The following PSME4 variants were observed in gnomAD, a reference collection of about 807,000 sequenced individuals.
PSME4 encodes proteasome activator subunit 4.
Under a neutral mutation model 253.9 loss-of-function variants are expected in PSME4, and 89 were observed. The observed-to-expected ratio is 0.35, with a 90% confidence interval of 0.30 to 0.42. The LOEUF is 0.42. Among genes scored for constraint, PSME4 ranks in the 10% least tolerant of loss-of-function variants. The pLI, the probability that PSME4 is intolerant of heterozygous loss-of-function variation, is 1.00. For missense variants in PSME4, 2,014 were observed against 2,195.2 expected (o/e 0.92, Z 1.65); for synonymous variants, 851 against 759.2 (o/e 1.12, Z -1.99).
intron 16 of PSME4, 83 bp downstream of exon 16, chr2:53,922,966 C>A (rs1053904432): frequency 1.8e-6 from 2 of 1,097,182 alleles, no homozygotes; most frequent in East Asian, 2.6e-5. Context: ...CTAAAGGAAT[C>A]TGTTGTCATT....
intron 20 of PSME4, among the ~76,000 whole-genome samples, chr2:53,911,560 A>G (rs1274384382): frequency 6.6e-6 from 1 of 152,172 alleles, no homozygotes; most frequent in Non-Finnish European, 1.5e-5. Context: ...CAAGAGTAAC[A>G]AGAATAAAGC....
intron 40 of PSME4, 121 bp downstream of exon 40, chr2:53,887,137 GT>G (rs1679677055): frequency 2.3e-6 from 2 of 863,046 alleles, no homozygotes; most frequent in Non-Finnish European, 3.6e-6. Flanking sequence ...CTTAAAAATG[GT>G]TAAAACAGTA....
At chr2:53,928,349 C>T in intron 10 of PSME4, 46 bp from the exon 11 acceptor site, 1 of 1,337,888 alleles carries the variant, frequency 7.5e-7, no homozygotes, top group Non-Finnish European at 1.0e-6. Flanking sequence ...CACAGATATG[C>T]ATAATACCAT....
chr2:53,970,427 C>A (rs1274836316), intron 1 of PSME4, 116 bp downstream of exon 1: 3 of 1,478,822 alleles, frequency 2.0e-6, no homozygotes, highest in Non-Finnish European at 2.7e-6. Flanking sequence ...CGCTCGGGGA[C>A]AGCTCCAGCG....
At chr2:53,958,681 A>G (rs1670344338) in intron 1 of PSME4, among the ~76,000 whole-genome samples, 1 of 152,206 alleles carries the variant, frequency 6.6e-6, no homozygotes, top group Non-Finnish European at 1.5e-5. Context: ...AATAGGTAAC[A>G]AAAATTAGGG....
intron 30 of PSME4, 42 bp from the exon 31 acceptor site, chr2:53,898,041 C>A: frequency 6.4e-7 from 1 of 1,573,334 alleles, no homozygotes; most frequent in Admixed American, 2.0e-5. Context: ...ACACATAAAA[C>A]CACTTGGAAA....
chr2:53,876,508 T>C lies in PSME4; in HGVS notation c.4816-753A>G, dbSNP rs140978930. On this transcript the variant is annotated intron_variant, in intron 41 of 46. Transcript: ENST00000404125. Reference sequence around the variant, plus strand: ...TTTCTTTCATTGATATTTAGCTTTGTCTTTCTGTGATAATCCATTATAAAA... The same window carrying C: ...TTTCTTTCATTGATATTTAGCTTTGCCTTTCTGTGATAATCCATTATAAAA... Among the ~76,000 whole-genome samples, 885 of 152,186 alleles carry C rather than the reference T, an allele frequency of 5.8e-3. 8 individuals are homozygous for C. Among genetic ancestry groups the C allele is most frequent in the South Asian group, 0.026 (124 of 4,820 alleles).
Position 53,969,486 on chromosome 2 carries a change from T to G in PSME4, c.242+1057A>C, listed in dbSNP as rs1670924863. ...ACTCAGTTCAATCAGCAGCTTTGGG[T>G]AAACACTGAATGAGTGAGTTATGTC... is the stretch of plus-strand genomic sequence containing the variant. On this transcript the variant is annotated intron_variant, in intron 1 of 46. Coordinates refer to ENST00000404125, the MANE Select transcript of PSME4 (RefSeq NM_014614.3). Among the ~76,000 whole-genome samples, 4 of 152,256 alleles carry G rather than the reference T, an allele frequency of 2.6e-5. No individual in the cohort carries two copies. The South Asian group carries it at 8.3e-4, about 32-fold the overall frequency.
intron 44 of PSME4, 127 bp downstream of exon 44, chr2:53,869,249 A>C (rs1357517876): frequency 1.5e-5 from 15 of 985,592 alleles, no homozygotes; most frequent in Non-Finnish European, 2.1e-5. Context: ...AAAGTAGGGA[A>C]AACTTTTCCC....
At chr2:53,926,118 CA>C in intron 12 of PSME4, 95 bp from the exon 13 acceptor site, 1 of 924,928 alleles carries the variant, frequency 1.1e-6, no homozygotes. Flanking sequence ...AATGTATCCA[CA>C]CTAAACCATT....
At chr2:53,920,766 A>T (rs1305939500) in intron 18 of PSME4, 123 bp downstream of exon 18, 4 of 818,670 alleles carry the variant, frequency 4.9e-6, no homozygotes, top group Non-Finnish European at 7.8e-6. Context: ...ATATTCCAAT[A>T]ATAGTTTCAA....
At chr2:53,951,129 C>G (rs1171730032) in intron 1 of PSME4, among the ~76,000 whole-genome samples, 1 of 152,172 alleles carries the variant, frequency 6.6e-6, no homozygotes, top group Non-Finnish European at 1.5e-5. Flanking sequence ...GTCACCCAGG[C>G]TGGAGTGCAG....
chr2:53,885,142 G>A (rs1372170676), intron 41 of PSME4, among the ~76,000 whole-genome samples: 1 of 152,116 alleles, frequency 6.6e-6, no homozygotes, highest in African/African-American at 2.4e-5. Context: ...GTCAACCTGT[G>A]ACCTTAGTTC....
chr2:53,961,711 C>T (rs1670503670), intron 1 of PSME4, among the ~76,000 whole-genome samples: 2 of 152,118 alleles, frequency 1.3e-5, no homozygotes, highest in African/African-American at 4.8e-5. Flanking sequence ...TTGAAATGCT[C>T]ATTCCCCATT....
At chr2:53,939,900 A>G (rs1669308137) in intron 4 of PSME4, 56 bp downstream of exon 4, 11 of 1,431,848 alleles carry the variant, frequency 7.7e-6, no homozygotes, top group Non-Finnish European at 9.7e-6. Context: ...CATACTAAAG[A>G]TGTGGAAAAG....
intron 7 of PSME4, 131 bp downstream of exon 7, chr2:53,935,956 C>T: frequency 4.1e-6 from 5 of 1,231,216 alleles, no homozygotes; most frequent in Non-Finnish European, 5.4e-6. Flanking sequence ...TGCAGTACTG[C>T]AATCTTGGCT....
chr2:53,966,369 T>A (rs1223880221), intron 1 of PSME4, among the ~76,000 whole-genome samples: 1 of 152,140 alleles, frequency 6.6e-6, no homozygotes, highest in African/African-American at 2.4e-5. Context: ...CTTGCCAGGA[T>A]AATAATGTTA....
chr2:53,968,460 G>A (rs927860744), intron 1 of PSME4, among the ~76,000 whole-genome samples: 2 of 151,962 alleles, frequency 1.3e-5, no homozygotes, highest in African/African-American at 2.4e-5. Flanking sequence ...TTCGTCACAC[G>A]TTTTGGCATT....
At chr2:53,909,876 C>T (rs1455716652) in intron 21 of PSME4, among the ~76,000 whole-genome samples, 199 bp downstream of exon 21, 3 of 152,036 alleles carry the variant, frequency 2.0e-5, no homozygotes, top group East Asian at 3.9e-4. Context: ...GCAGGAGAAT[C>T]GTTTGAATCT....
Sources: allele counts gnomAD v4.1 joint callset (sites outside exome capture counted in the v4.1 genomes callset), GRCh38; gene constraint gnomAD v4.1.1; transcripts MANE v1.5; gene names NCBI Gene and HGNC (gene_info 2026-07-23, HGNC 2026-07-21).